The following ALDH1A3 variants were observed in gnomAD, a reference collection of about 807,000 sequenced individuals.
The protein encoded by ALDH1A3 is retinaldehyde dehydrogenase 3.
A neutral mutation model predicts 57.5 loss-of-function variants in ALDH1A3; 28 were observed. The observed-to-expected ratio is 0.49, with a 90% CI of 0.36 to 0.67. The LOEUF (loss-of-function observed/expected upper bound fraction) is 0.67. Ranked by LOEUF, ALDH1A3 falls within the 30% of genes least tolerant of loss-of-function variation. The probability of loss-of-function intolerance (pLI) is 0.00; values close to 1 mark genes in which losing one functional copy is unlikely to be tolerated. For missense variants in ALDH1A3, 507 were observed against 669.4 expected (o/e 0.76, Z 2.68); for synonymous variants, 281 against 264.8 (o/e 1.06, Z -0.59).
intron 8 of ALDH1A3, 45 bp downstream of exon 8, chr15:100,898,230 C>T (rs2041729704): frequency 1.3e-6 from 2 of 1,531,508 alleles, no homozygotes; most frequent in Non-Finnish European, 1.8e-6. Flanking sequence ...TCAGGGCATC[C>T]ATCTGTCTCC....
At chr15:100,902,666 G>C (rs1211682886) in intron 9 of ALDH1A3, among the ~76,000 whole-genome samples, 1 of 152,244 alleles carries the variant, frequency 6.6e-6, no homozygotes, top group African/African-American at 2.4e-5. Context: ...TGTGGGGGCC[G>C]TATTTCCCTG....
intron 12 of ALDH1A3, 152 bp downstream of exon 12, chr15:100,908,634 G>A: frequency 3.0e-6 from 2 of 672,086 alleles, no homozygotes; most frequent in Admixed American, 2.8e-5. Context: ...GGGTTGGTGG[G>A]GACCCATCCC....
At chr15:100,896,193 C>T in intron 7 of ALDH1A3, 147 bp downstream of exon 7, 1 of 620,356 alleles carries the variant, frequency 1.6e-6, no homozygotes, top group East Asian at 2.8e-5. Flanking sequence ...TAAAAAAAGT[C>T]ACTGGTCTAG....
At chr15:100,905,917 C>T (rs2041818059) in intron 10 of ALDH1A3, among the ~76,000 whole-genome samples, 1 of 152,108 alleles carries the variant, frequency 6.6e-6, no homozygotes, top group African/African-American at 2.4e-5. Context: ...CAGCAGGTAC[C>T]TTGTTTGTTC....
chr15:100,907,018 C>T, intron 10 of ALDH1A3, 103 bp from the exon 11 acceptor site: 1 of 1,340,314 alleles, frequency 7.5e-7, no homozygotes, highest in Non-Finnish European at 1.0e-6. Flanking sequence ...CATGTGTGTG[C>T]TCTGGGCATA....
intron 12 of ALDH1A3, among the ~76,000 whole-genome samples, chr15:100,912,031 A>G (rs2041887168): frequency 6.6e-6 from 1 of 152,250 alleles, no homozygotes; most frequent in South Asian, 2.1e-4. Context: ...TTCAAATGAA[A>G]TGGGAGCAAG....
In ALDH1A3 at chr15:100,915,023, C is replaced by T; in HGVS notation, c.*250C>T. ...GGAGCTGTTGGCCATTTCTGTGTTTCCCTTTAAACCAGATCCTGGAGACAG... is the reference window on the plus strand; with the variant it reads ...GGAGCTGTTGGCCATTTCTGTGTTTTCCTTTAAACCAGATCCTGGAGACAG... On this transcript the variant is annotated 3_prime_UTR_variant, in exon 13 of 13. Transcript: ENST00000329841. The T allele has an allele frequency of 2.0e-6, 1 of 506,418 alleles. No homozygotes were observed. 31.4% of individuals were successfully genotyped at this position (506,418 alleles called of 1,614,324 possible). A position where few individuals can be genotyped will look rare whatever the true frequency, so the allele number is the denominator to read the frequency against.
Position 100,905,641 on chromosome 15 carries a change from C to G in ALDH1A3, c.1187C>G (p.Thr396Ser). ...GACAAGGGGCTCTTCATCAAACCCACTGTCTTCTCAGAAGTCACAGACAAC... is the reference window on the plus strand; with the variant it reads ...GACAAGGGGCTCTTCATCAAACCCAGTGTCTTCTCAGAAGTCACAGACAAC... ...MEDKGLFIKP[T>S]VFSEVTDNMR... is the part of the protein sequence containing the mutation. The change falls in exon 10 of 13, where the codon ACT becomes AGT. Residue 396 changes from threonine (T) to serine (S), a missense_variant. By Grantham distance (58) the Thr-to-Ser change is moderately conservative. Transcript: ENST00000329841. 1 of 1,609,772 alleles carries G rather than the reference C, an allele frequency of 6.2e-7. No homozygotes were observed. The highest frequency in any genetic ancestry group is 8.5e-7 in the Non-Finnish European group (1 of 1,177,838).
At chr15:100,880,046 C>G in intron 1 of ALDH1A3, 40 bp downstream of exon 1, 2 of 1,373,614 alleles carry the variant, frequency 1.5e-6, no homozygotes, top group Non-Finnish European at 1.9e-6. Context: ...CCGCGGGCCC[C>G]TGCGCTGGGC....
At chr15:100,885,820 T>C (rs940540819) in intron 2 of ALDH1A3, among the ~76,000 whole-genome samples, 1 of 152,148 alleles carries the variant, frequency 6.6e-6, no homozygotes, top group Non-Finnish European at 1.5e-5. Flanking sequence ...ACCCGGGTGA[T>C]GCGGGGATAG....
rs944051348 is a variant in ALDH1A3 at position 100,893,796 on chromosome 15, A to G, written c.538-158A>G. 1 of 933,912 alleles carries G rather than the reference A, an allele frequency of 1.1e-6. No homozygotes were observed. Among genetic ancestry groups the G allele is most frequent in the Admixed American group, 2.5e-5 (1 of 39,388 alleles). 57.9% of individuals were successfully genotyped at this position (933,912 alleles called of 1,614,324 possible). On this transcript the variant is annotated intron_variant, in intron 5 of 12. Transcript: ENST00000329841. The surrounding 1 kb of genome is among the most constrained non-coding windows in gnomAD (Gnocchi z 4.8). ...GAATGCAGTTTAGGAAGTGCTGTGC[A>G]GGATTGCAGTTCTGATCATTGCACA...
chr15:100,885,785 C>G (rs968832962), intron 2 of ALDH1A3, among the ~76,000 whole-genome samples: 7 of 151,426 alleles, frequency 4.6e-5, no homozygotes, highest in Non-Finnish European at 8.8e-5. Context: ...AAAATAGACA[C>G]TTTGAAGGAA....
chr15:100,899,165 G>A lies in ALDH1A3; in HGVS notation c.883+980G>A, dbSNP rs114459446. Among the ~76,000 whole-genome samples, 1,177 of 152,342 alleles carry A rather than the reference G, an allele frequency of 7.7e-3. 9 individuals carry two copies. Among genetic ancestry groups the A allele is most frequent in the African/African-American group, 0.027 (1,110 of 41,570 alleles). On this transcript the variant is annotated intron_variant, in intron 8 of 12. Coordinates refer to ENST00000329841, the MANE Select transcript of ALDH1A3 (RefSeq NM_000693.4). The stretch of plus-strand genomic sequence containing the variant: ...GAGGAGGATACAGGCTCTCAGGAAG[G>A]AAAGGGGAGCTGGGTGTGAAGATGG...
chr15:100,904,971 C>T lies in ALDH1A3; in HGVS notation c.1069-552C>T, dbSNP rs180675004. On this transcript the variant is annotated intron_variant, in intron 9 of 12. Coordinates refer to ENST00000329841, the MANE Select transcript of ALDH1A3 (RefSeq NM_000693.4). Reference sequence around the variant, plus strand: ...TTCCAGTAACTATTACCCTGATTCACGGTGCCAACTGAGCAGGGCACAGGG... The same window carrying T: ...TTCCAGTAACTATTACCCTGATTCATGGTGCCAACTGAGCAGGGCACAGGG... 2.6e-3 allele frequency among the ~76,000 whole-genome samples: 392 copies of T among 152,296 alleles called. 2 individuals carry two copies. Among genetic ancestry groups the T allele is most frequent in the African/African-American group, 8.9e-3 (370 of 41,546 alleles).
At position 100,907,140 on chromosome 15, in the gene ALDH1A3, C is replaced by A; in HGVS notation, c.1253C>A (p.Pro418Gln). ...TCATAGATTTTCGGGCCAGTGCAAC[C>A]AATACTGAAGTTCAAAAGTATCGAA... ...AKEEIFGPVQ[P>Q]ILKFKSIEEV... is the part of the protein sequence containing the mutation. Residue 418 changes from proline to glutamine, a missense_variant, in exon 11 of 13, where the codon CCA becomes CAA. By Grantham distance (76) the Pro-to-Gln change is moderately conservative. Transcript: ENST00000329841. The A allele has an allele frequency of 1.2e-6, 2 of 1,613,802 alleles. No individual in the cohort carries two copies. Among genetic ancestry groups the A allele is most frequent in the Non-Finnish European group, 1.7e-6 (2 of 1,179,874 alleles).
intron 11 of ALDH1A3, 122 bp downstream of exon 11, chr15:100,907,400 A>C: frequency 1.7e-6 from 2 of 1,148,098 alleles, no homozygotes; most frequent in Non-Finnish European, 2.4e-6. Flanking sequence ...GCCCTGTCTC[A>C]GTGCTTCCTT....
Position 100,895,933 on chromosome 15 carries a change from G to T in ALDH1A3, c.667G>T (p.Ala223Ser), listed in dbSNP as rs1330255150. Residue 223 changes from alanine to serine, a missense_variant and splice_region_variant, in exon 7 of 13, where the codon GCC becomes TCC. Ala to Ser is a moderately conservative substitution (Grantham distance 99). Coordinates refer to ENST00000329841, the MANE Select transcript of ALDH1A3 (RefSeq NM_000693.4). Reference sequence around the variant, plus strand: ...AAGTGCTATCTTGATTTCTTCCCAGGCCGGGTTCCCTCCAGGAGTGGTGAA... The same window carrying T: ...AAGTGCTATCTTGATTTCTTCCCAGTCCGGGTTCCCTCCAGGAGTGGTGAA... ...ALYLGSLIKE[A>S]GFPPGVVNIV... is the part of the protein sequence containing the mutation. 1 of 1,611,350 alleles carries T rather than the reference G, an allele frequency of 6.2e-7. No individual in the cohort carries two copies. The highest frequency in any genetic ancestry group is 1.7e-5 in the Admixed American group (1 of 59,834).
chr15:100,889,951 C>T lies in ALDH1A3; in HGVS notation c.345+2239C>T, dbSNP rs1166309177. Among the ~76,000 whole-genome samples the T allele has an allele frequency of 6.6e-6, 1 of 152,238 alleles. No homozygotes were observed. The highest frequency in any genetic ancestry group is 1.5e-5 in the Non-Finnish European group (1 of 68,046). On this transcript the variant is annotated intron_variant, in intron 3 of 12. Transcript: ENST00000329841. The surrounding 1 kb of genome is among the most constrained non-coding windows in gnomAD (Gnocchi z 5.1). ...CCTCGATATGGTTTCCGTGCATGTT[C>T]ATGGAGCGTGTTCTCTTGCCGGCTC... is the stretch of plus-strand genomic sequence containing the variant.
At chr15:100,883,523 C>T (rs1277968119) in intron 1 of ALDH1A3, among the ~76,000 whole-genome samples, 2 of 152,190 alleles carry the variant, frequency 1.3e-5, no homozygotes, top group East Asian at 3.9e-4. Context: ...GCTCTCAGTT[C>T]TGGATTCCAA....
Sources: gnomAD v4.1 joint callset for allele counts (sites outside exome capture counted in the v4.1 genomes callset) on GRCh38, gnomAD v4.1.1 for gene constraint, Gnocchi (gnomAD v3.1) non-coding constraint, MANE v1.5 for transcripts, NCBI Gene and HGNC (gene_info 2026-07-23, HGNC 2026-07-21) for gene names.